Variants in FHL2 observed in about 807,000 individuals in gnomAD.
FHL2 encodes four and a half LIM domains protein 2.
Under a neutral mutation model 32.7 loss-of-function variants are expected in FHL2, and 20 were observed. The observed-to-expected ratio is 0.61, with a 90% confidence interval of 0.43 to 0.89. FHL2 has a LOEUF of 0.89. Ranked by LOEUF, FHL2 falls within the 40% of genes least tolerant of loss-of-function variation. FHL2 has a pLI of 0.00. For missense variants in FHL2, 311 were observed against 358.6 expected (o/e 0.87, Z 1.07); for synonymous variants, 123 against 128.1 (o/e 0.96, Z 0.27).
intron 1 of FHL2, among the ~76,000 whole-genome samples, chr2:105,430,964 G>C (rs59991168): frequency 0.071 from 10,788 of 152,216 alleles, 765 homozygotes; most frequent in East Asian, 0.27. Context: ...CATAAAAATG[G>C]ACAGTTTTCT....
At chr2:105,437,381 T>C (rs1049265178) in intron 1 of FHL2, among the ~76,000 whole-genome samples, 10 of 152,150 alleles carry the variant, frequency 6.6e-5, no homozygotes, top group Admixed American at 1.3e-4. Flanking sequence ...ACATTCTATG[T>C]ATGTACCGAA....
chr2:105,358,928 T>C (rs1680115982), downstream of FHL2: 1 of 152,230 alleles, frequency 6.6e-6, no homozygotes, highest in Admixed American at 6.5e-5. Flanking sequence ...TCCCGAACTC[T>C]GGCCTCTGGT....
intron 1 of FHL2, among the ~76,000 whole-genome samples, chr2:105,429,388 T>C (rs1228179046): frequency 1.3e-5 from 2 of 152,220 alleles, no homozygotes; most frequent in Non-Finnish European, 2.9e-5. Context: ...GGGATTATTC[T>C]ACATTATCTG....
intron 1 of FHL2, among the ~76,000 whole-genome samples, chr2:105,415,516 G>T (rs1683907863): frequency 6.6e-6 from 1 of 152,168 alleles, no homozygotes; most frequent in Admixed American, 6.5e-5. Flanking sequence ...TCTTACCACA[G>T]CAAAGGTGGT....
At chr2:105,374,766 A>G (rs1418098956) in intron 3 of FHL2, among the ~76,000 whole-genome samples, 12 of 152,204 alleles carry the variant, frequency 7.9e-5, no homozygotes, top group Non-Finnish European at 1.3e-4. Context: ...TTAAAATAAC[A>G]ATCTCTTTAT....
Position 105,363,363 on chromosome 2 carries a change from C to T in FHL2, c.610G>A (p.Asp204Asn), listed in dbSNP as rs906250700. ...CAGTTCAGGCAGTAGGCAAAGTCAT[C>T]GCGAGCTGTGAAGCGCTGCCCAGAC... ...QLSGQRFTARDDFAYCLNCFC... is the reference protein window; with the variant it reads ...QLSGQRFTARNDFAYCLNCFC... The change falls in exon 6 of 7, where the codon GAT becomes AAT. Residue 204 changes from aspartate to asparagine, a missense_variant. Physicochemically the swap from Asp to Asn is conservative, Grantham distance 23. Transcript: ENST00000530340. 10 of 1,614,182 alleles carry T rather than the reference C, an allele frequency of 6.2e-6. No individual in the cohort carries two copies. The highest frequency in any genetic ancestry group is 2.2e-5 in the South Asian group (2 of 91,074).
chr2:105,404,014 G>A (rs565400244), upstream of FHL2, among the ~76,000 whole-genome samples: 7 of 152,296 alleles, frequency 4.6e-5, no homozygotes, highest in South Asian at 1.2e-3. Flanking sequence ...TGGGGGGGAG[G>A]CTGGTGGGCT....
At chr2:105,374,687 G>T (rs1681338308) in intron 3 of FHL2, among the ~76,000 whole-genome samples, 1 of 152,152 alleles carries the variant, frequency 6.6e-6, no homozygotes, top group African/African-American at 2.4e-5. Flanking sequence ...CTTGCCTGAG[G>T]AATAAGAGAA....
rs1415424854 is a variant in FHL2, at chr2:105,365,682, A to G, written c.501+1888T>C. Among the ~76,000 whole-genome samples, 12 of 151,980 alleles carry G rather than the reference A, an allele frequency of 7.9e-5. No homozygotes were observed. In the East Asian group the frequency reaches 2.3e-3, roughly 29 times the overall value. On this transcript the variant is annotated intron_variant, in intron 5 of 6. Coordinates refer to ENST00000530340, the MANE Select transcript of FHL2 (RefSeq NM_001318895.3). ...AGACACCGTCTCTACTACAAAAAAA[A>G]AAAAAAAAAATTAGGTGGGTTTGGT...
intron 1 of FHL2, among the ~76,000 whole-genome samples, chr2:105,404,226 A>C (rs999473401): frequency 6.6e-6 from 1 of 152,252 alleles, no homozygotes; most frequent in Admixed American, 6.5e-5. Flanking sequence ...AAAGGATTTC[A>C]CACAAGCTGT....
intron 1 of FHL2, among the ~76,000 whole-genome samples, chr2:105,427,215 C>T (rs1684294428): frequency 6.6e-6 from 1 of 152,180 alleles, no homozygotes; most frequent in African/African-American, 2.4e-5. Flanking sequence ...ACATTTAATG[C>T]TAGAAAAATA....
chr2:105,360,955 CAT>C lies in FHL2; in HGVS notation c.*326_*327del. ...GTTTAGAAAACTTTCAAGTTCGTGA[CAT>C]ATGTTAATTGCACTTAAATAGACAG... On this transcript the variant is annotated 3_prime_UTR_variant, in exon 7 of 7. Coordinates refer to ENST00000530340, the MANE Select transcript of FHL2 (RefSeq NM_001318895.3). 1 of 197,320 alleles carries C rather than the reference CAT, an allele frequency of 5.1e-6. No homozygotes were observed. Among genetic ancestry groups the C allele is most frequent in the Non-Finnish European group, 1.0e-5 (1 of 97,314 alleles). 12.2% of individuals were successfully genotyped at this position (197,320 alleles called of 1,614,324 possible).
At chr2:105,363,903 G>A (rs143921538) in intron 5 of FHL2, among the ~76,000 whole-genome samples, 15 of 152,290 alleles carry the variant, frequency 9.8e-5, no homozygotes, top group Non-Finnish European at 1.9e-4. Flanking sequence ...CTGCACTTCA[G>A]TTTTCTCATC....
upstream of FHL2, chr2:105,399,588 C>T: frequency 6.5e-7 from 1 of 1,533,994 alleles, no homozygotes; most frequent in Non-Finnish European, 8.7e-7. Context: ...AAAGGAAGGT[C>T]CTATCCCCAC....
intron 4 of FHL2, 64 bp from the exon 5 acceptor site, chr2:105,367,803 T>A: frequency 6.6e-7 from 1 of 1,524,426 alleles, no homozygotes; most frequent in Non-Finnish European, 8.9e-7. Flanking sequence ...GTCCCAGCAA[T>A]CTGCCTTCAG....
upstream of FHL2, chr2:105,399,770 A>G (rs1683396080): frequency 1.4e-6 from 1 of 734,686 alleles, no homozygotes; most frequent in South Asian, 1.9e-5. Context: ...CAGGGAGAGC[A>G]CAGGTTGAGC....
At chr2:105,361,488 G>A (rs1680259923) in intron 6 of FHL2, 54 bp from the exon 7 acceptor site, 1 of 1,523,362 alleles carries the variant, frequency 6.6e-7, no homozygotes, top group African/African-American at 1.4e-5. Flanking sequence ...TCAGGCAACT[G>A]GGACTGAAGA....
At chr2:105,425,731 G>A (rs1016503466) in intron 1 of FHL2, among the ~76,000 whole-genome samples, 6 of 151,710 alleles carry the variant, frequency 4.0e-5, no homozygotes, top group African/African-American at 7.3e-5. Flanking sequence ...TCTGGCTTAC[G>A]TGCACGTCCA....
At chr2:105,426,416 T>C (rs1684270221) in intron 1 of FHL2, among the ~76,000 whole-genome samples, 2 of 152,304 alleles carry the variant, frequency 1.3e-5, no homozygotes, top group African/African-American at 2.4e-5. Flanking sequence ...GAAAAACACA[T>C]GGTAAAGAAT....
Sources: gnomAD v4.1 joint callset for allele counts (sites outside exome capture counted in the v4.1 genomes callset) on GRCh38, gnomAD v4.1.1 for gene constraint, MANE v1.5 for transcripts, NCBI Gene and HGNC (gene_info 2026-07-23, HGNC 2026-07-21) for gene names.